EYS: variants seen among roughly 807,000 people sequenced by gnomAD.
EYS encodes protein eyes shut homolog.
Under a neutral mutation model 282.1 loss-of-function variants are expected in EYS, and 250 were observed. The observed-to-expected ratio is 0.89, with a 90% CI of 0.80 to 0.98. EYS has a LOEUF of 0.98. EYS is among the 50% of genes least tolerant of loss of function. The pLI is 0.00. For missense variants in EYS, 4,016 were observed against 3,709.0 expected (o/e 1.08, Z -2.15); for synonymous variants, 1,355 against 1,282.9 (o/e 1.06, Z -1.20).
chr6:64,444,972 A>G (rs972638346), intron 26 of EYS, among the ~76,000 whole-genome samples: 1 of 152,220 alleles, frequency 6.6e-6, no homozygotes, highest in African/African-American at 2.4e-5. Flanking sequence ...CTATGCTGGT[A>G]CAGCCTGCTG....
intron 13 of EYS, among the ~76,000 whole-genome samples, chr6:65,045,056 T>G (rs2150151290): frequency 6.6e-6 from 1 of 151,976 alleles, no homozygotes; most frequent in African/African-American, 2.4e-5. Flanking sequence ...CTGCTTCTGG[T>G]AACTCTTTAG....
intron 5 of EYS, among the ~76,000 whole-genome samples, chr6:65,459,003 T>C (rs72876230): frequency 3.7e-4 from 56 of 152,258 alleles, no homozygotes; most frequent in Non-Finnish European, 6.9e-4. Flanking sequence ...TTAAAAAGTA[T>C]AGAATTTTTA....
At chr6:64,725,428 A>G (rs1771721137) in intron 22 of EYS, among the ~76,000 whole-genome samples, 1 of 151,994 alleles carries the variant, frequency 6.6e-6, no homozygotes, top group African/African-American at 2.4e-5. Context: ...ATCATATCTT[A>G]TTGACTTATT....
rs371025927 is a variant in EYS, at chr6:65,618,163, C to T, written c.-333+21615G>A. Among the ~76,000 whole-genome samples the T allele has an allele frequency of 8.7e-4, 132 of 152,096 alleles. No individual in the cohort carries two copies. In the East Asian group the frequency reaches 0.023, roughly 26 times the overall value. On this transcript the variant is annotated intron_variant, in intron 2 of 42. Coordinates refer to ENST00000503581, the MANE Select transcript of EYS (RefSeq NM_001142800.2). Reference sequence around the variant, plus strand: ...ACAATGGTTGAACTAGTTTACAGTCCCACCAACAGTGTAAAAGTGTTCCTA... The same window carrying T: ...ACAATGGTTGAACTAGTTTACAGTCTCACCAACAGTGTAAAAGTGTTCCTA...
intron 36 of EYS, among the ~76,000 whole-genome samples, chr6:63,832,264 C>T (rs545486133): frequency 5.3e-4 from 81 of 152,072 alleles, no homozygotes; most frequent in African/African-American, 1.9e-3. Flanking sequence ...TTCAAAAAAT[C>T]AATGAATCCA....
intron 5 of EYS, among the ~76,000 whole-genome samples, chr6:65,470,686 G>T (rs1765177508): frequency 6.6e-6 from 1 of 152,150 alleles, no homozygotes; most frequent in Admixed American, 6.5e-5. Context: ...CTGACAGAAA[G>T]ACTGATGATT....
At chr6:65,611,420 T>C (rs189954078) in intron 2 of EYS, among the ~76,000 whole-genome samples, 66 of 152,164 alleles carry the variant, frequency 4.3e-4, no homozygotes, top group African/African-American at 1.6e-3. Context: ...TATGGGTATA[T>C]AAGAAAGACT....
chr6:63,840,361 GCC>G (rs1771925550), intron 36 of EYS, among the ~76,000 whole-genome samples: 1 of 151,870 alleles, frequency 6.6e-6, no homozygotes, highest in South Asian at 2.1e-4. Flanking sequence ...ACCACGCCCA[GCC>G]CCATTTCTTA....
intron 30 of EYS, among the ~76,000 whole-genome samples, chr6:64,300,684 T>A (rs1561916263): frequency 6.6e-6 from 1 of 152,182 alleles, no homozygotes; most frequent in Non-Finnish European, 1.5e-5. Flanking sequence ...ATGACCTACG[T>A]GCTATTAATG....
In EYS at chr6:64,422,142, T is replaced by C. The variant is rs139615792; in HGVS notation, c.5927+14032A>G. ...ACAGATAGATAGATCGATAGATTGA[T>C]AGACAGATGATAGATAGACAGATAG... On this transcript the variant is annotated intron_variant, in intron 28 of 42. Transcript: ENST00000503581. 1.2e-4 allele frequency among the ~76,000 whole-genome samples: 18 copies of C among 151,836 alleles called. No individual in the cohort carries two copies. In the East Asian group the frequency reaches 3.1e-3, roughly 26 times the overall value.
intron 15 of EYS, among the ~76,000 whole-genome samples, chr6:64,945,362 A>G (rs2150095772): frequency 6.6e-6 from 1 of 152,180 alleles, no homozygotes; most frequent in South Asian, 2.1e-4. Flanking sequence ...TTTATACTAT[A>G]AAATATATCA....
chr6:63,865,115 A>G (rs1247343904), intron 35 of EYS, among the ~76,000 whole-genome samples: 2 of 152,154 alleles, frequency 1.3e-5, no homozygotes, highest in South Asian at 2.1e-4. Flanking sequence ...CTCGGTGCCA[A>G]TCATAGTGTA....
chr6:65,577,694 T>G (rs1764720122), intron 2 of EYS, among the ~76,000 whole-genome samples: 1 of 149,028 alleles, frequency 6.7e-6, no homozygotes, highest in Non-Finnish European at 1.5e-5. Flanking sequence ...GGACTTTATA[T>G]CCAAACTATA....
chr6:64,960,153 T>C (rs1245515167), intron 14 of EYS, among the ~76,000 whole-genome samples: 5 of 152,098 alleles, frequency 3.3e-5, no homozygotes, highest in Admixed American at 1.3e-4. Flanking sequence ...AGTTTACAAA[T>C]AGTTTTCCAG....
At chr6:65,619,817 G>A (rs1766395996) in intron 2 of EYS, among the ~76,000 whole-genome samples, 4 of 150,452 alleles carry the variant, frequency 2.7e-5, no homozygotes, top group African/African-American at 7.2e-5. Flanking sequence ...ATAATCATGC[G>A]GTTTTTGTCT....
At chr6:65,633,688 C>A (rs183475649) in intron 2 of EYS, among the ~76,000 whole-genome samples, 1 of 152,286 alleles carries the variant, frequency 6.6e-6, no homozygotes, top group Non-Finnish European at 1.5e-5. Context: ...TTATGAAATA[C>A]CTACCCTCAA....
At chr6:64,825,283 C>T (rs530068494) in intron 19 of EYS, among the ~76,000 whole-genome samples, 6 of 151,984 alleles carry the variant, frequency 3.9e-5, no homozygotes, top group African/African-American at 1.2e-4. Context: ...TGCCATTATC[C>T]TGTTTTATGT....
intron 12 of EYS, among the ~76,000 whole-genome samples, chr6:65,276,543 T>A (rs146932384): frequency 1.1e-3 from 165 of 152,110 alleles, no homozygotes; most frequent in African/African-American, 3.8e-3. Context: ...ACTACTAGAG[T>A]AGATTGGTCT....
intron 13 of EYS, among the ~76,000 whole-genome samples, chr6:65,024,539 T>G (rs143566146): frequency 1.0e-3 from 159 of 152,352 alleles, no homozygotes; most frequent in African/African-American, 3.7e-3. Context: ...TCAGAATTCA[T>G]GCGTCACGAA....
Sources: allele counts gnomAD v4.1 joint callset (sites outside exome capture counted in the v4.1 genomes callset), GRCh38; gene constraint gnomAD v4.1.1; transcripts MANE v1.5; gene names NCBI Gene and HGNC (gene_info 2026-07-23, HGNC 2026-07-21).